CNTNAP5: variants seen among roughly 807,000 people sequenced by gnomAD.
CNTNAP5 encodes contactin associated protein family member 5.
Under a neutral mutation model 150.2 loss-of-function variants are expected in CNTNAP5, and 72 were observed. That is an observed-to-expected ratio of 0.48 (90% CI 0.40 to 0.58). CNTNAP5 has a LOEUF of 0.58. Ranked by LOEUF, CNTNAP5 falls within the 20% of genes least tolerant of loss-of-function variation. The pLI, the probability that CNTNAP5 is intolerant of heterozygous loss-of-function variation, is 0.00. For missense variants in CNTNAP5, 1,636 were observed against 1,626.2 expected (o/e 1.01, Z -0.10); for synonymous variants, 672 against 619.8 (o/e 1.08, Z -1.25).
At chr2:124,811,307 A>T (rs1682213462) in intron 19 of CNTNAP5, among the ~76,000 whole-genome samples, 1 of 152,160 alleles carries the variant, frequency 6.6e-6, no homozygotes, top group Non-Finnish European at 1.5e-5. Flanking sequence ...AAATAACTGC[A>T]TGTGAGGAGG....
intron 7 of CNTNAP5, among the ~76,000 whole-genome samples, chr2:124,483,644 T>C (rs1233431197): frequency 6.6e-6 from 1 of 152,218 alleles, no homozygotes; most frequent in African/African-American, 2.4e-5. Flanking sequence ...AGACTCTCAG[T>C]TTCATAATAC....
intron 1 of CNTNAP5, among the ~76,000 whole-genome samples, chr2:124,033,684 C>T (rs1442859451): frequency 0.019 from 2 of 108 alleles, no homozygotes; most frequent in Non-Finnish European, 0.034. Flanking sequence ...CAGACATGGG[C>T]CTGGTGCCAC....
At chr2:124,724,627 T>A (rs1326492780) in intron 13 of CNTNAP5, among the ~76,000 whole-genome samples, 1 of 152,030 alleles carries the variant, frequency 6.6e-6, no homozygotes, top group East Asian at 1.9e-4. Context: ...TGGCCCTGCT[T>A]GAATACATTG....
chr2:124,116,433 G>C (rs541276613), intron 1 of CNTNAP5, among the ~76,000 whole-genome samples: 9 of 152,192 alleles, frequency 5.9e-5, no homozygotes, highest in Non-Finnish European at 1.3e-4. Context: ...GAAGGGAAGA[G>C]ATGGCAGTAG....
intron 1 of CNTNAP5, among the ~76,000 whole-genome samples, chr2:124,063,686 A>G (rs1682073118): frequency 6.6e-6 from 1 of 152,180 alleles, no homozygotes. Context: ...ATGAAAAGAA[A>G]AAGAGACCAA....
At chr2:124,564,245 G>T (rs1695959821) in intron 11 of CNTNAP5, among the ~76,000 whole-genome samples, 1 of 152,198 alleles carries the variant, frequency 6.6e-6, no homozygotes, top group East Asian at 1.9e-4. Context: ...AGGTGAGGAG[G>T]AGTGATAAGA....
At chr2:124,797,998 C>A in intron 18 of CNTNAP5, 98 bp from the exon 19 acceptor site, 1 of 775,928 alleles carries the variant, frequency 1.3e-6, no homozygotes, top group Non-Finnish European at 2.1e-6. Flanking sequence ...ACTCCTCACA[C>A]AGTGCCCAGT....
intron 1 of CNTNAP5, among the ~76,000 whole-genome samples, chr2:124,060,825 C>A (rs1681990640): frequency 6.6e-6 from 1 of 152,180 alleles, no homozygotes; most frequent in Non-Finnish European, 1.5e-5. Context: ...TTTCTGAAGA[C>A]TTTGACCTCA....
At chr2:124,132,078 C>G (rs1397215548) in intron 1 of CNTNAP5, among the ~76,000 whole-genome samples, 1 of 152,152 alleles carries the variant, frequency 6.6e-6, no homozygotes, top group African/African-American at 2.4e-5. Context: ...ATTTCACAGG[C>G]AGGTCCTGTT....
At chr2:124,529,005 A>G (rs1695042025) in intron 10 of CNTNAP5, among the ~76,000 whole-genome samples, 2 of 151,362 alleles carry the variant, frequency 1.3e-5, no homozygotes, top group South Asian at 4.2e-4. Flanking sequence ...CATTAATATC[A>G]CTATGCATGG....
chr2:124,446,659 G>T lies in CNTNAP5; in HGVS notation c.734-94G>T, dbSNP rs1177001845. 5.6e-6 allele frequency: 7 copies of T among 1,239,984 alleles called. No individual in the cohort carries two copies. The Admixed American group carries it at 1.5e-4, about 27-fold the overall frequency. The allele number at this position is 1,239,984 out of a possible 1,614,324, so 76.8% of individuals were successfully genotyped here. A position where few individuals can be genotyped will look rare whatever the true frequency, so the allele number is the denominator to read the frequency against. The stretch of plus-strand genomic sequence containing the variant: ...AGGGAGACATCATTCTTTGCCTTTA[G>T]AACAGATATAGCTGCTTTTGCTTGT... On this transcript the variant is annotated intron_variant, in intron 5 of 23. Coordinates refer to ENST00000682447, the MANE Select transcript of CNTNAP5 (RefSeq NM_001367498.1).
In CNTNAP5 at chr2:124,916,172, G is replaced by A. The variant is rs73953238; in HGVS notation, c.*1884G>A. Among the ~76,000 whole-genome samples, 324 of 151,922 alleles carry A rather than the reference G, an allele frequency of 2.1e-3. No homozygotes were observed. Among genetic ancestry groups the A allele is most frequent in the African/African-American group, 7.3e-3 (301 of 41,386 alleles). On this transcript the variant is annotated 3_prime_UTR_variant, in exon 24 of 24. Coordinates refer to ENST00000682447, the MANE Select transcript of CNTNAP5 (RefSeq NM_001367498.1). ...TGTTTCAAATGCATATTCTCTCCTC[G>A]AAATTTTCTGTGGATTTGAGCTCAA...
intron 4 of CNTNAP5, among the ~76,000 whole-genome samples, chr2:124,427,579 C>A (rs965552601): frequency 6.6e-6 from 1 of 151,946 alleles, no homozygotes; most frequent in Non-Finnish European, 1.5e-5. Context: ...GCCTCAGCCT[C>A]CCGAGTAGCT....
At chr2:124,093,620 T>C (rs1682864896) in intron 1 of CNTNAP5, among the ~76,000 whole-genome samples, 1 of 151,264 alleles carries the variant, frequency 6.6e-6, no homozygotes, top group South Asian at 2.2e-4. Flanking sequence ...ATAAAGCACA[T>C]TTGATGTTGT....
intron 13 of CNTNAP5, among the ~76,000 whole-genome samples, chr2:124,690,765 T>C (rs1189350787): frequency 6.6e-6 from 1 of 152,100 alleles, no homozygotes; most frequent in Non-Finnish European, 1.5e-5. Context: ...GATTTCATTC[T>C]AATATGGTCT....
intron 1 of CNTNAP5, among the ~76,000 whole-genome samples, chr2:124,055,698 G>A (rs1274968410): frequency 6.6e-6 from 1 of 152,044 alleles, no homozygotes; most frequent in East Asian, 1.9e-4. Flanking sequence ...CTATGACCTT[G>A]ACCACCTACA....
intron 3 of CNTNAP5, among the ~76,000 whole-genome samples, chr2:124,391,726 C>A (rs957565808): frequency 1.3e-5 from 2 of 152,190 alleles, no homozygotes; most frequent in Non-Finnish European, 2.9e-5. Context: ...GAGGCCGAGG[C>A]GGGCGGATCA....
At chr2:124,479,460 T>C (rs1374061895) in intron 7 of CNTNAP5, among the ~76,000 whole-genome samples, 2 of 152,142 alleles carry the variant, frequency 1.3e-5, no homozygotes, top group East Asian at 3.9e-4. Context: ...TAAAAGATCA[T>C]AGTGGAAATG....
chr2:124,122,505 T>C (rs1683586851), intron 1 of CNTNAP5, among the ~76,000 whole-genome samples: 1 of 152,146 alleles, frequency 6.6e-6, no homozygotes, highest in South Asian at 2.1e-4. Flanking sequence ...TATCTCACAT[T>C]CTCTCCTTCT....
Sources: gnomAD v4.1 joint callset for allele counts (sites outside exome capture counted in the v4.1 genomes callset) on GRCh38, gnomAD v4.1.1 for gene constraint, MANE v1.5 for transcripts, NCBI Gene and HGNC (gene_info 2026-07-23, HGNC 2026-07-21) for gene names.